PHACTR2: variants seen among roughly 807,000 people sequenced by gnomAD.
PHACTR2 encodes chromosome 6 open reading frame 56.
PHACTR2 carries 30 observed loss-of-function variants against 76.0 expected under a neutral mutation model. The ratio of observed to expected loss-of-function variants is 0.39; its 90% CI spans 0.30 to 0.54. The LOEUF (loss-of-function observed/expected upper bound fraction) is 0.54. Ranked by LOEUF, PHACTR2 falls within the 20% of genes least tolerant of loss-of-function variation. PHACTR2 has a pLI of 0.61. For missense variants in PHACTR2, 696 were observed against 781.1 expected (o/e 0.89, Z 1.30); for synonymous variants, 292 against 292.5 (o/e 1.00, Z 0.02).
chr6:143,670,325 G>A (rs1234803369), intron 1 of PHACTR2, among the ~76,000 whole-genome samples: 1 of 152,090 alleles, frequency 6.6e-6, no homozygotes, highest in African/African-American at 2.4e-5. Context: ...GTGTCTTGGG[G>A]TTGCTCTTCT....
At chr6:143,632,840 A>G (rs1055748732) in intron 1 of PHACTR2, among the ~76,000 whole-genome samples, 3 of 152,102 alleles carry the variant, frequency 2.0e-5, no homozygotes, top group African/African-American at 7.2e-5. Flanking sequence ...AGAACATCAT[A>G]TAGTTGGAAT....
At chr6:143,544,173 C>T (rs952848424) in intron 1 of PHACTR2, among the ~76,000 whole-genome samples, 3 of 148,502 alleles carry the variant, frequency 2.0e-5, no homozygotes, top group Non-Finnish European at 3.0e-5. Context: ...AGGAACTAGC[C>T]GTAAAGAAAT....
intron 1 of PHACTR2, among the ~76,000 whole-genome samples, chr6:143,668,235 G>C (rs532813691): frequency 6.6e-6 from 1 of 152,126 alleles, no homozygotes; most frequent in African/African-American, 2.4e-5. Context: ...CGACTTGATC[G>C]TTGTGGATAA....
At chr6:143,788,251 A>T (rs1285577963) in intron 10 of PHACTR2, among the ~76,000 whole-genome samples, 1 of 152,190 alleles carries the variant, frequency 6.6e-6, no homozygotes, top group Non-Finnish European at 1.5e-5. Flanking sequence ...TGTCCTTATT[A>T]TGAATATCTT....
At chr6:143,606,780 T>G (rs757240242), upstream of PHACTR2, among the ~76,000 whole-genome samples, 6 of 152,094 alleles carry the variant, frequency 3.9e-5, no homozygotes, top group Non-Finnish European at 7.4e-5. Flanking sequence ...TCCAAGCAAA[T>G]TTTTTAAAAA....
chr6:143,552,458 TAAC>T lies in PHACTR2; in HGVS notation c.217+15258_217+15260del, dbSNP rs549892346. ...AATAAAGGGCAGGGAAGCAGGGAAA[TAAC>T]AACAACCAACAAGAAAAGTTCCTGT... On this transcript the variant is annotated intron_variant, in intron 1 of 11. Coordinates refer to the PHACTR2 transcript ENST00000367584. Among the ~76,000 whole-genome samples, 18 of 152,164 alleles carry T rather than the reference TAAC, an allele frequency of 1.2e-4. No individual in the cohort carries two copies. In the South Asian group the frequency reaches 3.5e-3, roughly 30 times the overall value.
At position 143,757,810 on chromosome 6, in the gene PHACTR2, A is replaced by C. The variant is rs776256208; in HGVS notation, c.455-2591A>C. Among the ~76,000 whole-genome samples the C allele has an allele frequency of 1.9e-4, 29 of 152,374 alleles. No individual in the cohort carries two copies. Among genetic ancestry groups the C allele is most frequent in the Non-Finnish European group, 2.6e-4 (18 of 68,038 alleles). On this transcript the variant is annotated intron_variant, in intron 4 of 12. Coordinates refer to ENST00000440869, the MANE Select transcript of PHACTR2 (RefSeq NM_001100164.2). The surrounding 1 kb of genome is among the most constrained non-coding windows in gnomAD (Gnocchi z 4.2). ...ATGTGTGTGTCAATAACTATTAGAC[A>C]GTCAGTCCCATTCGTTGAATAGACA...
intron 5 of PHACTR2, among the ~76,000 whole-genome samples, chr6:143,762,979 T>TG (rs1224601436): frequency 2.0e-5 from 3 of 152,230 alleles, no homozygotes; most frequent in African/African-American, 7.2e-5. Flanking sequence ...AACTATAATG[T>TG]GGCTTGAATT....
chr6:143,559,876 A>T (rs1775240924), intron 1 of PHACTR2, among the ~76,000 whole-genome samples: 1 of 151,664 alleles, frequency 6.6e-6, no homozygotes, highest in Admixed American at 6.6e-5. Context: ...ACACCTAGCT[A>T]ATTTTTGTAT....
intron 1 of PHACTR2, among the ~76,000 whole-genome samples, chr6:143,573,612 T>C (rs1775473290): frequency 6.6e-6 from 1 of 152,192 alleles, no homozygotes; most frequent in African/African-American, 2.4e-5. Flanking sequence ...GATTTTGGTT[T>C]TCTGTAGCTT....
rs565741101 is a variant in PHACTR2 at position 143,608,879 on chromosome 6, A to G, written c.13+557A>G. Among the ~76,000 whole-genome samples the G allele has an allele frequency of 2.6e-5, 4 of 152,358 alleles. No homozygotes were observed. The highest frequency in any genetic ancestry group is 9.6e-5 in the African/African-American group (4 of 41,584). The stretch of plus-strand genomic sequence containing the variant: ...CTTTAAAAATGTACTTATTTTTAGT[A>G]TCTTTACTTGATAACTAGACAAACA... On this transcript the variant is annotated intron_variant, in intron 1 of 11. Transcript: ENST00000305766. The surrounding 1 kb of genome is among the most constrained non-coding windows in gnomAD (Gnocchi z 4.6).
rs1315201507 is a variant in PHACTR2, at chr6:143,578,594, T to C, written c.217+41387T>C. 6.6e-6 allele frequency among the ~76,000 whole-genome samples: 1 copy of C among 151,856 alleles called. No individual in the cohort carries two copies. Among genetic ancestry groups the C allele is most frequent in the Non-Finnish European group, 1.5e-5 (1 of 67,980 alleles). On this transcript the variant is annotated intron_variant, in intron 1 of 11. Transcript: ENST00000367584. The surrounding 1 kb of genome is among the most constrained non-coding windows in gnomAD (Gnocchi z 4.5). ...AAGGACCTTTTAAAAAAATTTGCTG[T>C]TGACTTGGATGCTGAGGGCTACGTG...
Position 143,597,164 on chromosome 6 carries a change from T to C in PHACTR2, c.217+59957T>C, listed in dbSNP as rs551304114. On this transcript the variant is annotated intron_variant, in intron 1 of 11. Coordinates refer to the PHACTR2 transcript ENST00000367584. The surrounding 1 kb of genome is among the most constrained non-coding windows in gnomAD (Gnocchi z 5.7). The stretch of plus-strand genomic sequence containing the variant: ...GAACACATTCTCTTGGGAAAACCCA[T>C]TGTAGGGAGGGACAGGAATGACTTC... Among the ~76,000 whole-genome samples the C allele has an allele frequency of 2.6e-5, 4 of 152,338 alleles. No individual in the cohort carries two copies. The highest frequency in any genetic ancestry group is 1.3e-4 in the Admixed American group (2 of 15,304).
chr6:143,701,251 A>G (rs7740883), intron 1 of PHACTR2, among the ~76,000 whole-genome samples: 64,881 of 152,038 alleles, frequency 0.43, 14,327 homozygotes, highest in Middle Eastern at 0.57. Context: ...AGGCAGATGG[A>G]AGTCTTTAGT....
rs1175377330 is a variant in PHACTR2 at position 143,795,881 on chromosome 6, A to G, written c.1845+6971A>G. Among the ~76,000 whole-genome samples the G allele has an allele frequency of 6.6e-6, 1 of 152,220 alleles. No homozygotes were observed. The highest frequency in any genetic ancestry group is 2.4e-5 in the African/African-American group (1 of 41,456). ...TATTATACTCATAGTCAGGGATGAG[A>G]AGCCAAGCTTTGTTCCCCATTGGTG... On this transcript the variant is annotated intron_variant, in intron 11 of 12. Transcript: ENST00000440869. This position sits in a 1 kb window ranked among gnomAD's most constrained non-coding sequence, Gnocchi z 4.8.
At position 143,608,465 on chromosome 6, in the gene PHACTR2, G is replaced by A. The variant is rs1238775331; in HGVS notation, c.13+143G>A. On this transcript the variant is annotated intron_variant, in intron 1 of 11. Coordinates refer to the PHACTR2 transcript ENST00000305766. The surrounding 1 kb of genome is among the most constrained non-coding windows in gnomAD (Gnocchi z 4.6). The stretch of plus-strand genomic sequence containing the variant: ...GAGACGCGTGTAATATGTGAACCCC[G>A]ATGCATTGTCCACAAGACAATTAGT... The A allele has an allele frequency of 3.8e-6, 3 of 784,812 alleles. No individual in the cohort carries two copies. The highest frequency in any genetic ancestry group is 4.4e-6 in the Non-Finnish European group (2 of 455,512). 48.6% of individuals were successfully genotyped at this position (784,812 alleles called of 1,614,324 possible).
In PHACTR2 at chr6:143,772,351, A is replaced by T; in HGVS notation, c.1326A>T (p.Glu442Asp). 6.2e-7 allele frequency: 1 copy of T among 1,613,906 alleles called. No homozygotes were observed. ...GESSESFSAS[E>D]DEGHREYQAN... Reference sequence around the variant, plus strand: ...CTTCAGAATCCTTTAGTGCCTCAGAAGATGAAGGCCACAGGGAATACCAAG... The same window carrying T: ...CTTCAGAATCCTTTAGTGCCTCAGATGATGAAGGCCACAGGGAATACCAAG... The change falls in exon 7 of 13, where the codon GAA becomes GAT. Residue 442 changes from glutamate (E) to aspartate (D), a missense_variant. Glu to Asp is a conservative substitution (Grantham distance 45, BLOSUM62 2). Transcript: ENST00000440869. The surrounding 1 kb of genome is among the most constrained non-coding windows in gnomAD (Gnocchi z 5.4).
In PHACTR2 at chr6:143,754,012, G is replaced by A; in HGVS notation, c.454+100G>A. 2 of 623,982 alleles carry A rather than the reference G, an allele frequency of 3.2e-6. No homozygotes were observed. The highest frequency in any genetic ancestry group is 5.1e-6 in the Non-Finnish European group (2 of 395,028). The allele number at this position is 623,982 out of a possible 1,614,324, so 38.7% of individuals were successfully genotyped here. On this transcript the variant is annotated intron_variant, in intron 4 of 12. Transcript: ENST00000440869. This position sits in a 1 kb window ranked among gnomAD's most constrained non-coding sequence, Gnocchi z 6.2. ...CTAGTGACTCTAAAACCAGCAGTCTGCAGAGGAGAGGTTTACAAATAGAAA... is the reference window on the plus strand; with the variant it reads ...CTAGTGACTCTAAAACCAGCAGTCTACAGAGGAGAGGTTTACAAATAGAAA...
rs1485329987 is a variant in PHACTR2, at chr6:143,761,668, C to T, written c.694+1028C>T. On this transcript the variant is annotated intron_variant, in intron 5 of 12. Transcript: ENST00000440869. The surrounding 1 kb of genome is among the most constrained non-coding windows in gnomAD (Gnocchi z 5.2). ...ACTCAGGAGGCTGAGGCAGGAAAAT[C>T]GCTTGAACCCAGGAGGCAGAAGTTG... 2.6e-5 allele frequency among the ~76,000 whole-genome samples: 4 copies of T among 151,992 alleles called. No homozygotes were observed. The highest frequency in any genetic ancestry group is 4.8e-5 in the African/African-American group (2 of 41,372).
Sources: allele counts gnomAD v4.1 joint callset (sites outside exome capture counted in the v4.1 genomes callset), GRCh38; gene constraint gnomAD v4.1.1; non-coding constraint Gnocchi (gnomAD v3.1); transcripts MANE v1.5; gene names NCBI Gene and HGNC (gene_info 2026-07-23, HGNC 2026-07-21).